Variants in SUGCT observed in about 807,000 individuals in gnomAD.
The protein encoded by SUGCT is succinyl-CoA:glutarate-CoA transferase, also known as succinyl-CoA:glutarate CoA-transferase.
In SUGCT, 41 loss-of-function variants were observed where a neutral mutation model predicts 55.0. That is an observed-to-expected ratio of 0.74 (90% CI 0.58 to 0.97). The LOEUF is 0.97. Among genes scored for constraint, SUGCT ranks in the 50% least tolerant of loss-of-function variants. The pLI, the probability that SUGCT is intolerant of heterozygous loss-of-function variation, is 0.00. For missense variants in SUGCT, 568 were observed against 547.8 expected, an observed-to-expected ratio of 1.04 and a Z score of -0.37; for synonymous variants, 187 against 200.4, an observed-to-expected ratio of 0.93 and a Z score of 0.56.
At chr7:40,142,715 T>C (rs1788051175) in intron 1 of SUGCT, among the ~76,000 whole-genome samples, 1 of 152,224 alleles carries the variant, frequency 6.6e-6, no homozygotes, top group African/African-American at 2.4e-5. Flanking sequence ...TTGTTATACT[T>C]CCATCAGGGA....
the SUGCT span, among the ~76,000 whole-genome samples, chr7:40,952,492 C>T: frequency 0.03 from 4,591 of 152,200 alleles, 114 homozygotes; most frequent in Non-Finnish European, 0.043. Flanking sequence ...TTGATACTGT[C>T]GTTATGATGT....
At chr7:40,245,945 C>G (rs1334002000) in intron 7 of SUGCT, among the ~76,000 whole-genome samples, 5 of 151,986 alleles carry the variant, frequency 3.3e-5, no homozygotes, top group Non-Finnish European at 7.4e-5. Context: ...ATCGATCCTC[C>G]CATGTCAGCC....
chr7:40,564,232 C>T (rs1011852167), intron 12 of SUGCT, among the ~76,000 whole-genome samples: 1 of 152,120 alleles, frequency 6.6e-6, no homozygotes, highest in South Asian at 2.1e-4. Context: ...AAAAATTAGC[C>T]GGGTGTGGTA....
chr7:40,621,487 A>C lies in SUGCT; in HGVS notation c.1089+125101A>C, dbSNP rs571012353. The stretch of plus-strand genomic sequence containing the variant: ...GAGTAGCTACCTAAGGAGAAGGAAT[A>C]AGTTAAATCTCTGGGGCCTTTGGCT... On this transcript the variant is annotated intron_variant, in intron 12 of 13. Coordinates refer to ENST00000335693, the MANE Select transcript of SUGCT (RefSeq NM_001193313.2). Among the ~76,000 whole-genome samples, 9 of 152,282 alleles carry C rather than the reference A, an allele frequency of 5.9e-5. 1 individual carries two copies. The South Asian group carries it at 1.5e-3, about 25-fold the overall frequency.
At chr7:40,356,552 C>A (rs1483966021) in intron 9 of SUGCT, among the ~76,000 whole-genome samples, 1 of 152,142 alleles carries the variant, frequency 6.6e-6, no homozygotes, top group African/African-American at 2.4e-5. Context: ...CCTATCAGAG[C>A]AAAACATATT....
chr7:40,180,499 T>C (rs1416003435), intron 1 of SUGCT, among the ~76,000 whole-genome samples: 3 of 151,962 alleles, frequency 2.0e-5, no homozygotes, highest in Non-Finnish European at 2.9e-5. Context: ...CAGTATTTTT[T>C]TTTTTTTCGA....
chr7:40,222,162 T>G (rs1788056307), intron 6 of SUGCT, among the ~76,000 whole-genome samples: 1 of 152,222 alleles, frequency 6.6e-6, no homozygotes, highest in Non-Finnish European at 1.5e-5. Flanking sequence ...AGTGACCAGG[T>G]GGAAAACAGA....
chr7:40,883,061 C>A, the SUGCT span, among the ~76,000 whole-genome samples: 1 of 152,160 alleles, frequency 6.6e-6, no homozygotes, highest in Non-Finnish European at 1.5e-5. Flanking sequence ...AGTTGTCCTG[C>A]CTAACTGAAA....
At chr7:40,321,062 TTTTC>T (rs1554310401) in intron 9 of SUGCT, among the ~76,000 whole-genome samples, 9 of 148,082 alleles carry the variant, frequency 6.1e-5, no homozygotes, top group Admixed American at 2.0e-4. Context: ...TTCTTTTCTT[TTTTC>T]TTTCTTTCTT....
At chr7:40,268,409 A>G (rs1215266491) in intron 7 of SUGCT, among the ~76,000 whole-genome samples, 1 of 152,146 alleles carries the variant, frequency 6.6e-6, no homozygotes, top group Non-Finnish European at 1.5e-5. Context: ...AAGTGCTTCC[A>G]TGTATTAGTA....
intron 9 of SUGCT, among the ~76,000 whole-genome samples, chr7:40,337,537 T>G (rs562700599): frequency 1.9e-4 from 29 of 152,350 alleles, no homozygotes; most frequent in African/African-American, 6.5e-4. Flanking sequence ...TTTGTTGGTT[T>G]AAAGTCTGTT....
At chr7:40,479,770 C>T (rs561122024) in intron 11 of SUGCT, among the ~76,000 whole-genome samples, 2 of 152,170 alleles carry the variant, frequency 1.3e-5, no homozygotes, top group East Asian at 1.9e-4. Flanking sequence ...CCTGACATAG[C>T]GAAGTTGAGC....
chr7:40,655,320 T>G (rs1351034980), intron 12 of SUGCT, among the ~76,000 whole-genome samples: 1 of 152,064 alleles, frequency 6.6e-6, no homozygotes, highest in Non-Finnish European at 1.5e-5. Flanking sequence ...TTAAAAAAAT[T>G]TATATAATTA....
At chr7:41,006,921 T>C in the SUGCT span, among the ~76,000 whole-genome samples, 1 of 152,228 alleles carries the variant, frequency 6.6e-6, no homozygotes, top group African/African-American at 2.4e-5. Context: ...CTGAAGATTG[T>C]GAAATGATTT....
intron 1 of SUGCT, among the ~76,000 whole-genome samples, chr7:40,173,195 C>A (rs1035093218): frequency 1.3e-5 from 2 of 152,148 alleles, no homozygotes; most frequent in African/African-American, 4.8e-5. Context: ...ACCGTGGAAC[C>A]CAGTGACTAG....
the SUGCT span, among the ~76,000 whole-genome samples, chr7:40,949,805 C>G: frequency 1.3e-5 from 2 of 151,812 alleles, no homozygotes; most frequent in South Asian, 4.2e-4. Context: ...TTCTGTTCCA[C>G]TGGTCTATAT....
intron 9 of SUGCT, among the ~76,000 whole-genome samples, chr7:40,325,699 G>GGGA (rs1394993604): frequency 2.6e-5 from 4 of 152,010 alleles, no homozygotes; most frequent in Non-Finnish European, 4.4e-5. Flanking sequence ...CCAGCTACTC[G>GGGA]GGAGGCTGAG....
At chr7:40,690,091 T>G (rs1227625150) in intron 12 of SUGCT, among the ~76,000 whole-genome samples, 1 of 152,188 alleles carries the variant, frequency 6.6e-6, no homozygotes, top group African/African-American at 2.4e-5. Context: ...TCTTTGCATT[T>G]GTAATAGTAA....
chr7:40,159,030 C>T (rs926789146), intron 1 of SUGCT, among the ~76,000 whole-genome samples: 1 of 152,180 alleles, frequency 6.6e-6, no homozygotes, highest in Non-Finnish European at 1.5e-5. Flanking sequence ...ATCCTCCTAC[C>T]TCAGCCTGCT....
Sources: allele counts gnomAD v4.1 joint callset (sites outside exome capture counted in the v4.1 genomes callset), GRCh38; gene constraint gnomAD v4.1.1; transcripts MANE v1.5; gene names NCBI Gene and HGNC (gene_info 2026-07-23, HGNC 2026-07-21).